XPR1: variants seen among roughly 807,000 people sequenced by gnomAD.
XPR1 encodes xenotropic and polytropic retrovirus receptor 1.
A neutral mutation model predicts 87.5 loss-of-function variants in XPR1; 28 were observed. The observed-to-expected ratio is 0.32, with a 90% CI of 0.24 to 0.44. XPR1 has a LOEUF of 0.44. XPR1 is among the 20% of genes least tolerant of loss of function. XPR1 has a pLI of 1.00. For synonymous variants in XPR1, 300 were observed against 306.1 expected, an observed-to-expected ratio of 0.98 and a Z score of 0.21; for missense variants, 559 against 862.3, an observed-to-expected ratio of 0.65 and a Z score of 4.41.
chr1:180,779,312 A>G (rs1429552622), intron 2 of XPR1, among the ~76,000 whole-genome samples: 1 of 152,090 alleles, frequency 6.6e-6, no homozygotes, highest in African/African-American at 2.4e-5. Context: ...CTAGAATGTA[A>G]ACTGTGTGAG....
intron 2 of XPR1, among the ~76,000 whole-genome samples, chr1:180,765,621 A>C (rs1171379011): frequency 6.6e-6 from 1 of 152,244 alleles, no homozygotes; most frequent in African/African-American, 2.4e-5. Context: ...ATATAACATA[A>C]GTACATTTTC....
At chr1:180,789,387 C>T (rs1254610721) in intron 3 of XPR1, among the ~76,000 whole-genome samples, 1 of 152,110 alleles carries the variant, frequency 6.6e-6, no homozygotes, top group Non-Finnish European at 1.5e-5. Context: ...ATACCCATCA[C>T]CCAGAATTCC....
At chr1:180,790,035 G>A (rs746008807) in intron 3 of XPR1, among the ~76,000 whole-genome samples, 7 of 151,726 alleles carry the variant, frequency 4.6e-5, no homozygotes, top group Non-Finnish European at 7.4e-5. Context: ...CATCTTCCCT[G>A]TCATGCTCAT....
chr1:180,807,259 G>A (rs922661070), intron 6 of XPR1, among the ~76,000 whole-genome samples: 1 of 152,172 alleles, frequency 6.6e-6, no homozygotes. Flanking sequence ...GGGTAGAAAC[G>A]AAGAAGTAAA....
chr1:180,733,876 A>G (rs1658639097), intron 2 of XPR1, among the ~76,000 whole-genome samples: 1 of 152,216 alleles, frequency 6.6e-6, no homozygotes, highest in Non-Finnish European at 1.5e-5. Context: ...AACGTTAATA[A>G]TAGCTGATAT....
At position 180,738,426 on chromosome 1, in the gene XPR1, G is replaced by A. The variant is rs556483984; in HGVS notation, c.122-49327G>A. On this transcript the variant is annotated intron_variant, in intron 2 of 14. Coordinates refer to ENST00000367590, the MANE Select transcript of XPR1 (RefSeq NM_004736.4). The stretch of plus-strand genomic sequence containing the variant: ...GTATCTTTATCATTTGATACTGTTA[G>A]TATGTTTTATTTTAGCTATCTTAAT... Among the ~76,000 whole-genome samples, 7 of 152,198 alleles carry A rather than the reference G, an allele frequency of 4.6e-5. No homozygotes were observed. In the South Asian group the frequency reaches 1.2e-3, roughly 27 times the overall value.
chr1:180,855,786 A>G (rs905391178), intron 11 of XPR1, among the ~76,000 whole-genome samples: 16 of 152,128 alleles, frequency 1.1e-4, no homozygotes, highest in Non-Finnish European at 2.2e-4. Context: ...TACTAGCTTA[A>G]GAAAATTGAG....
intron 13 of XPR1, chr1:180,877,907 G>T (rs966876935): frequency 6.7e-6 from 1 of 150,182 alleles, no homozygotes; most frequent in Non-Finnish European, 1.5e-5. Flanking sequence ...ACGATATAAA[G>T]ATATTTTCAG....
intron 6 of XPR1, among the ~76,000 whole-genome samples, chr1:180,808,090 G>T (rs1302496307): frequency 6.6e-6 from 1 of 152,166 alleles, no homozygotes; most frequent in Non-Finnish European, 1.5e-5. Flanking sequence ...CCTTATGAAA[G>T]CTTATTAAAG....
chr1:180,751,838 T>G (rs1359899771), intron 2 of XPR1, among the ~76,000 whole-genome samples: 1 of 152,112 alleles, frequency 6.6e-6, no homozygotes, highest in African/African-American at 2.4e-5. Flanking sequence ...TCTCACAAGC[T>G]TGTCTATAAT....
chr1:180,713,364 TTTTAGTTA>T (rs1657874709), intron 2 of XPR1, among the ~76,000 whole-genome samples: 1 of 152,194 alleles, frequency 6.6e-6, no homozygotes, highest in Non-Finnish European at 1.5e-5. Context: ...TAAACTCACT[TTTTAGTTA>T]CAGTAGCTTT....
intron 1 of XPR1, among the ~76,000 whole-genome samples, chr1:180,653,831 T>G (rs1248677351): frequency 6.6e-6 from 1 of 152,202 alleles, no homozygotes; most frequent in Non-Finnish European, 1.5e-5. Flanking sequence ...CATTGACTAC[T>G]AAGTGACTAA....
rs1571250881 is a variant in XPR1, at chr1:180,876,441, G to C, written c.1808+2499G>C. On this transcript the variant is annotated intron_variant, in intron 13 of 14. Coordinates refer to ENST00000367590, the MANE Select transcript of XPR1 (RefSeq NM_004736.4). The stretch of plus-strand genomic sequence containing the variant: ...ATTTGAGGTCAGGAGTTCAAGACCA[G>C]CCTGGCCAACATGGTGAAACCCCAT... 5.9e-5 allele frequency among the ~76,000 whole-genome samples: 9 copies of C among 152,260 alleles called. No homozygotes were observed. In the South Asian group the frequency reaches 1.2e-3, roughly 21 times the overall value.
intron 2 of XPR1, among the ~76,000 whole-genome samples, chr1:180,696,552 A>G (rs921272569): frequency 6.6e-6 from 1 of 151,952 alleles, no homozygotes; most frequent in African/African-American, 2.4e-5. Context: ...AGTGGGCAAG[A>G]ATGGTGAAAG....
chr1:180,791,036 C>T (rs904748347), intron 3 of XPR1, among the ~76,000 whole-genome samples: 5 of 151,998 alleles, frequency 3.3e-5, no homozygotes, highest in African/African-American at 1.2e-4. Flanking sequence ...AAGAGGAGGG[C>T]ATTTGCAGTG....
intron 11 of XPR1, among the ~76,000 whole-genome samples, chr1:180,846,526 C>T (rs371018399): frequency 2.0e-5 from 3 of 151,720 alleles, no homozygotes; most frequent in African/African-American, 7.3e-5. Flanking sequence ...ACTGCAACCT[C>T]TGCCTCCCAG....
intron 11 of XPR1, among the ~76,000 whole-genome samples, chr1:180,846,141 A>T (rs2102183141): frequency 6.6e-6 from 1 of 152,076 alleles, no homozygotes; most frequent in Admixed American, 6.5e-5. Context: ...ATGCACCTGT[A>T]ATTCCAGCTA....
intron 13 of XPR1, among the ~76,000 whole-genome samples, chr1:180,876,676 C>T (rs546895840): frequency 3.3e-5 from 5 of 150,972 alleles, no homozygotes; most frequent in Admixed American, 6.6e-5. Flanking sequence ...CTTATATTAA[C>T]AGAATAAAGG....
At chr1:180,839,449 G>T (rs767411623) in intron 11 of XPR1, among the ~76,000 whole-genome samples, 7 of 152,136 alleles carry the variant, frequency 4.6e-5, no homozygotes, top group Non-Finnish European at 1.0e-4. Context: ...ACATTTACCA[G>T]TGCAATATTT....
Sources: allele counts gnomAD v4.1 joint callset (sites outside exome capture counted in the v4.1 genomes callset), GRCh38; gene constraint gnomAD v4.1.1; transcripts MANE v1.5; gene names NCBI Gene and HGNC (gene_info 2026-07-23, HGNC 2026-07-21).